Variants in CCDC172 observed in about 807,000 individuals in gnomAD.
CCDC172 encodes the protein coiled-coil domain-containing protein 172.
A neutral mutation model predicts 38.0 loss-of-function variants in CCDC172; 30 were observed. The ratio of observed to expected loss-of-function variants is 0.79; its 90% CI spans 0.59 to 1.07. The LOEUF (loss-of-function observed/expected upper bound fraction) is 1.07, where lower values mean the gene tolerates loss of function less well. Ranked by LOEUF, CCDC172 falls within the 50% of genes least tolerant of loss-of-function variation. CCDC172 has a pLI of 0.00. For synonymous variants in CCDC172, 78 were observed against 88.3 expected (o/e 0.88, Z 0.66); for missense variants, 297 against 290.1 (o/e 1.02, Z -0.17).
At chr10:116,332,673 TG>T (rs779504698) in intron 3 of CCDC172, among the ~76,000 whole-genome samples, 50 of 152,264 alleles carry the variant, frequency 3.3e-4, no homozygotes, top group Non-Finnish European at 6.0e-4. Context: ...TGTTAGGTTT[TG>T]TTTTCTTCCC....
At chr10:116,372,871 AG>A (rs1589960375) in intron 7 of CCDC172, among the ~76,000 whole-genome samples, 1 of 152,190 alleles carries the variant, frequency 6.6e-6, no homozygotes, top group East Asian at 1.9e-4. Context: ...CCAGAAGACA[AG>A]GGAATGACAT....
intron 3 of CCDC172, among the ~76,000 whole-genome samples, chr10:116,336,906 A>C (rs2134914497): frequency 6.6e-6 from 1 of 152,304 alleles, no homozygotes; most frequent in South Asian, 2.1e-4. Context: ...CCCAGGCAGC[A>C]AGAGTAGTGA....
intron 3 of CCDC172, 40 bp from the exon 4 acceptor site, chr10:116,340,690 CTAAT>C (rs1307197612): frequency 8.5e-6 from 8 of 943,926 alleles, no homozygotes; most frequent in East Asian, 2.4e-5. Context: ...TCTAAAATGT[CTAAT>C]TAATTGTTTT....
intron 7 of CCDC172, among the ~76,000 whole-genome samples, chr10:116,367,458 C>T (rs904899731): frequency 2.0e-5 from 3 of 151,990 alleles, no homozygotes; most frequent in Non-Finnish European, 2.9e-5. Context: ...GGGAGGCTGA[C>T]GCGGGCGGAT....
chr10:116,354,828 T>C (rs961572165), intron 5 of CCDC172, among the ~76,000 whole-genome samples: 1 of 152,216 alleles, frequency 6.6e-6, no homozygotes, highest in Non-Finnish European at 1.5e-5. Context: ...CAGGACAAGA[T>C]GTTATGGAGG....
Position 116,369,679 on chromosome 10 carries a change from A to G in CCDC172, c.654-8744A>G, listed in dbSNP as rs551680102. The stretch of plus-strand genomic sequence containing the variant: ...GATTACAAATAATGCTGCAATAAAT[A>G]ATCTTGTGTATATGTTGTTTTGTAT... On this transcript the variant is annotated intron_variant, in intron 7 of 8. Coordinates refer to ENST00000333254, the MANE Select transcript of CCDC172 (RefSeq NM_198515.3). Among the ~76,000 whole-genome samples, 11 of 152,172 alleles carry G rather than the reference A, an allele frequency of 7.2e-5. No individual in the cohort carries two copies. In the South Asian group the frequency reaches 1.7e-3, roughly 23 times the overall value.
Position 116,324,983 on chromosome 10 carries a change from G to C in CCDC172, c.-29G>C. ...TTGGTTATAAAATATTTAAGGGCGA[G>C]AAAAGGATCGCAGGAGCCAGGCCCT... On this transcript the variant is annotated 5_prime_UTR_variant, in exon 2 of 9. Coordinates refer to ENST00000333254, the MANE Select transcript of CCDC172 (RefSeq NM_198515.3). 6.3e-7 allele frequency: 1 copy of C among 1,588,400 alleles called. No homozygotes were observed. Among genetic ancestry groups the C allele is most frequent in the South Asian group, 1.1e-5 (1 of 90,584 alleles).
Position 116,370,667 on chromosome 10 carries a change from G to T in CCDC172, c.654-7756G>T, listed in dbSNP as rs1845176901. On this transcript the variant is annotated intron_variant, in intron 7 of 8. Coordinates refer to ENST00000333254, the MANE Select transcript of CCDC172 (RefSeq NM_198515.3). ...CACTCCTTTTTTTTTTTCTTTCTCA[G>T]GGCTTTCCTAAAAAGAAAAAGATTA... 4.0e-5 allele frequency among the ~76,000 whole-genome samples: 6 copies of T among 150,052 alleles called. No individual in the cohort carries two copies. In the South Asian group the frequency reaches 8.3e-4, roughly 21 times the overall value.
In CCDC172 at chr10:116,352,185, C is replaced by T. The variant is rs545696905; in HGVS notation, c.449-5195C>T. 4.2e-4 allele frequency among the ~76,000 whole-genome samples: 64 copies of T among 152,276 alleles called. 1 individual carries two copies. Among genetic ancestry groups the T allele is most frequent in the Non-Finnish European group, 7.6e-4 (52 of 68,022 alleles). ...GGATTAAATTAAATTAAATATTCTTCTAGACCTACCCTAAAAAATTCTTAT... is the reference window on the plus strand; with the variant it reads ...GGATTAAATTAAATTAAATATTCTTTTAGACCTACCCTAAAAAATTCTTAT... On this transcript the variant is annotated intron_variant, in intron 5 of 8. Coordinates refer to ENST00000333254, the MANE Select transcript of CCDC172 (RefSeq NM_198515.3).
intron 5 of CCDC172, among the ~76,000 whole-genome samples, chr10:116,345,950 T>C (rs1277000073): frequency 6.6e-6 from 1 of 152,174 alleles, no homozygotes; most frequent in African/African-American, 2.4e-5. Flanking sequence ...CACAATGAGA[T>C]ACTCCAGAGA....
intron 7 of CCDC172, among the ~76,000 whole-genome samples, chr10:116,374,285 G>C (rs1845220261): frequency 6.6e-6 from 1 of 152,106 alleles, no homozygotes; most frequent in African/African-American, 2.4e-5. Context: ...TAAGTGAAAA[G>C]ATGAAAGTTT....
At chr10:116,347,236 T>C (rs1255422389) in intron 5 of CCDC172, among the ~76,000 whole-genome samples, 3 of 152,138 alleles carry the variant, frequency 2.0e-5, no homozygotes, top group African/African-American at 7.2e-5. Context: ...TAAGACGGCT[T>C]CATGAAAGAT....
At chr10:116,371,336 C>A (rs542976496) in intron 7 of CCDC172, among the ~76,000 whole-genome samples, 29 of 151,854 alleles carry the variant, frequency 1.9e-4, no homozygotes, top group African/African-American at 6.7e-4. Flanking sequence ...TTAATATGGT[C>A]AATTATATTA....
At chr10:116,371,486 G>A (rs998755781) in intron 7 of CCDC172, among the ~76,000 whole-genome samples, 1 of 151,812 alleles carries the variant, frequency 6.6e-6, no homozygotes, top group Non-Finnish European at 1.5e-5. Context: ...TCATAGACAT[G>A]TGTATGTGTG....
intron 7 of CCDC172, among the ~76,000 whole-genome samples, chr10:116,373,884 A>G (rs1845214630): frequency 6.6e-6 from 1 of 152,204 alleles, no homozygotes; most frequent in Non-Finnish European, 1.5e-5. Context: ...CAAGCATTAC[A>G]ACTTTAAAAA....
chr10:116,361,037 ATTATT>A, intron 7 of CCDC172, among the ~76,000 whole-genome samples: 1 of 396 alleles, frequency 2.5e-3, no homozygotes, highest in African/African-American at 3.3e-3. Context: ...CAAACCTATT[ATTATT>A]ATTATTATTA....
At chr10:116,340,147 T>C (rs1844774683) in intron 3 of CCDC172, among the ~76,000 whole-genome samples, 1 of 151,930 alleles carries the variant, frequency 6.6e-6, no homozygotes, top group South Asian at 2.1e-4. Context: ...CTAACATTAA[T>C]GTTTATTATA....
At chr10:116,360,763 C>T (rs1845053554) in intron 7 of CCDC172, among the ~76,000 whole-genome samples, 1 of 152,114 alleles carries the variant, frequency 6.6e-6, no homozygotes, top group Non-Finnish European at 1.5e-5. Flanking sequence ...GCTTCTCCAT[C>T]TCTTAAGTTT....
intron 5 of CCDC172, among the ~76,000 whole-genome samples, chr10:116,344,483 T>A (rs1007466369): frequency 6.6e-6 from 1 of 152,132 alleles, no homozygotes; most frequent in African/African-American, 2.4e-5. Flanking sequence ...TAAATGATTT[T>A]AAAAATCTCT....
Sources: gnomAD v4.1 joint callset for allele counts (sites outside exome capture counted in the v4.1 genomes callset) on GRCh38, gnomAD v4.1.1 for gene constraint, MANE v1.5 for transcripts, NCBI Gene and HGNC (gene_info 2026-07-23, HGNC 2026-07-21) for gene names.